Variants in DCDC1 observed in about 807,000 individuals in gnomAD.
DCDC1 encodes the protein doublecortin domain containing 1.
In DCDC1, 200 loss-of-function variants were observed where a neutral mutation model predicts 178.3. The observed-to-expected ratio is 1.12, with a 90% CI of 1.00 to 1.26. DCDC1 has a LOEUF of 1.26. Among genes scored for constraint, DCDC1 ranks in the 50% most tolerant of loss-of-function variants. DCDC1 has a pLI of 0.00. For synonymous variants in DCDC1, 690 were observed against 604.8 expected (o/e 1.14, Z -2.07); for missense variants, 1,983 against 1,749.2 (o/e 1.13, Z -2.38).
chr11:30,898,189 C>A (rs1944380751), intron 34 of DCDC1, among the ~76,000 whole-genome samples: 1 of 152,054 alleles, frequency 6.6e-6, no homozygotes, highest in African/African-American at 2.4e-5. Flanking sequence ...AAGGATTTGT[C>A]CTAAAGATAA....
chr11:31,218,024 C>T (rs1195211312), intron 9 of DCDC1, among the ~76,000 whole-genome samples: 1 of 151,866 alleles, frequency 6.6e-6, no homozygotes, highest in African/African-American at 2.4e-5. Context: ...GCAGAAATAT[C>T]TCCTCTCTAA....
chr11:31,215,220 A>C (rs1231795552), intron 9 of DCDC1: 3 of 237,134 alleles, frequency 1.3e-5, no homozygotes, highest in Admixed American at 1.2e-4. Context: ...CCTTGAGCAC[A>C]GGAGATTGAG....
chr11:31,328,433 T>A, intron 2 of DCDC1, 147 bp from the exon 3 acceptor site: 1 of 750,062 alleles, frequency 1.3e-6, no homozygotes, highest in Non-Finnish European at 1.9e-6. Flanking sequence ...CCTTAGTAAT[T>A]AACAGATGAG....
intron 3 of DCDC1, among the ~76,000 whole-genome samples, chr11:31,321,500 G>A (rs997635114): frequency 6.6e-6 from 1 of 152,100 alleles, no homozygotes; most frequent in Non-Finnish European, 1.5e-5. Flanking sequence ...GCAATGCCTC[G>A]CCCAGCTTCG....
In DCDC1 at chr11:30,920,920, A is replaced by G. The variant is rs139416824; in HGVS notation, c.3149T>C (p.Val1050Ala). ...GCTTCCAGATACAATGTCACTTTGG[A>G]CTTCTAAAACAAGAGCTGAGCAGAA... ...THKIEALVLEVQSDIVSGSKL... is the reference protein window; with the variant it reads ...THKIEALVLEAQSDIVSGSKL... The change falls in exon 25 of 39, where the codon GTC becomes GCC. Residue 1050 changes from valine (V) to alanine (A), a missense_variant. Transcript: ENST00000684477. 14 of 1,611,274 alleles carry G rather than the reference A, an allele frequency of 8.7e-6. No individual in the cohort carries two copies. The highest frequency in any genetic ancestry group is 1.1e-5 in the Non-Finnish European group (13 of 1,178,644).
chr11:31,221,833 C>G (rs1974312291), intron 9 of DCDC1, among the ~76,000 whole-genome samples: 1 of 152,118 alleles, frequency 6.6e-6, no homozygotes, highest in Non-Finnish European at 1.5e-5. Flanking sequence ...GCTCTGGGTC[C>G]TTTTTGCTTA....
intron 6 of DCDC1, 69 bp from the exon 7 acceptor site, chr11:31,290,921 C>G: frequency 7.2e-7 from 1 of 1,383,162 alleles, no homozygotes; most frequent in Non-Finnish European, 1.0e-6. Context: ...ATCATACTTC[C>G]CTCCCTCTAT....
chr11:31,280,528 T>A, intron 7 of DCDC1: 1 of 246,370 alleles, frequency 4.1e-6, no homozygotes, highest in Non-Finnish European at 8.0e-6. Flanking sequence ...GTCTTAGTTT[T>A]AAATCAGGAC....
intron 20 of DCDC1, among the ~76,000 whole-genome samples, chr11:30,956,959 G>C (rs1192184150): frequency 6.6e-6 from 1 of 152,004 alleles, no homozygotes. Context: ...ATGTCTGCTG[G>C]AGCCCTTCTT....
intron 21 of DCDC1, chr11:30,943,667 C>G (rs1324026745): frequency 4.4e-6 from 2 of 452,424 alleles, no homozygotes; most frequent in Non-Finnish European, 8.9e-6. Context: ...CTAATTTTTT[C>G]CAGTGAACTT....
intron 7 of DCDC1, among the ~76,000 whole-genome samples, chr11:31,270,983 T>C (rs1486409015): frequency 6.6e-6 from 1 of 152,182 alleles, no homozygotes; most frequent in Non-Finnish European, 1.5e-5. Flanking sequence ...CCAACTTCCA[T>C]AGTCCCTCAG....
intron 7 of DCDC1, among the ~76,000 whole-genome samples, chr11:31,273,753 C>T (rs1232199255): frequency 6.6e-6 from 1 of 152,148 alleles, no homozygotes; most frequent in Non-Finnish European, 1.5e-5. Flanking sequence ...TTTCACACTG[C>T]TGAGAAAGAC....
At chr11:30,906,025 A>G (rs983480246) in intron 30 of DCDC1, among the ~76,000 whole-genome samples, 1 of 152,074 alleles carries the variant, frequency 6.6e-6, no homozygotes, top group African/African-American at 2.4e-5. Flanking sequence ...AAATGGTACC[A>G]TTTTAAACAA....
intron 34 of DCDC1, 47 bp from the exon 35 acceptor site, chr11:30,894,431 C>T: frequency 6.3e-7 from 1 of 1,598,378 alleles, no homozygotes; most frequent in Non-Finnish European, 8.5e-7. Flanking sequence ...GATAGGCTTT[C>T]AGATTTCAAA....
At chr11:31,270,482 T>C (rs1945475102) in intron 7 of DCDC1, among the ~76,000 whole-genome samples, 1 of 152,218 alleles carries the variant, frequency 6.6e-6, no homozygotes, top group African/African-American at 2.4e-5. Flanking sequence ...TTCTGTTCTG[T>C]ATAAATTAGC....
At chr11:31,250,415 C>CATATATATATATATATAT in intron 8 of DCDC1, among the ~76,000 whole-genome samples, 1 of 73,734 alleles carries the variant, frequency 1.4e-5, no homozygotes, top group African/African-American at 5.2e-5. Flanking sequence ...CACACACACA[C>CATATATATATATATATAT]ATATACATAT....
chr11:31,315,902 G>C (rs1330317436), intron 3 of DCDC1, among the ~76,000 whole-genome samples: 1 of 111,328 alleles, frequency 9.0e-6, no homozygotes, highest in Non-Finnish European at 1.8e-5. Flanking sequence ...GAGAATATGC[G>C]GTGTTTGGTT....
chr11:31,067,284 G>C (rs968417373), intron 18 of DCDC1, among the ~76,000 whole-genome samples: 2 of 151,892 alleles, frequency 1.3e-5, no homozygotes, highest in African/African-American at 4.8e-5. Context: ...ACAAGAAAAG[G>C]ATCTAGTAGA....
chr11:31,030,550 T>C (rs1218296157), intron 20 of DCDC1, among the ~76,000 whole-genome samples: 1 of 152,126 alleles, frequency 6.6e-6, no homozygotes, highest in Non-Finnish European at 1.5e-5. Context: ...CTGAGTTGCA[T>C]TTGGAAATGC....
Sources: allele counts gnomAD v4.1 joint callset (sites outside exome capture counted in the v4.1 genomes callset), GRCh38; gene constraint gnomAD v4.1.1; transcripts MANE v1.5; gene names NCBI Gene and HGNC (gene_info 2026-07-23, HGNC 2026-07-21).